CCAR1: variants seen among roughly 807,000 people sequenced by gnomAD.
The protein encoded by CCAR1 is cell division cycle and apoptosis regulator protein 1.
Under a neutral mutation model 163.8 loss-of-function variants are expected in CCAR1, and 78 were observed. The observed-to-expected ratio is 0.48, with a 90% CI of 0.40 to 0.57. The LOEUF is 0.57. CCAR1 is among the 20% of genes least tolerant of loss of function. CCAR1 has a pLI of 0.00. For missense variants in CCAR1, 1,019 were observed against 1,365.2 expected, an observed-to-expected ratio of 0.75 and a Z score of 4.00; for synonymous variants, 443 against 460.7, an observed-to-expected ratio of 0.96 and a Z score of 0.49.
At chr10:68,774,209 A>G (rs1193169373) in intron 19 of CCAR1, among the ~76,000 whole-genome samples, 1 of 150,624 alleles carries the variant, frequency 6.6e-6, no homozygotes, top group African/African-American at 2.4e-5. Context: ...TAAATGTTTC[A>G]TAGGCACGGG....
chr10:68,773,525 G>A (rs1485857639), intron 19 of CCAR1, among the ~76,000 whole-genome samples: 2 of 152,174 alleles, frequency 1.3e-5, no homozygotes, highest in South Asian at 2.1e-4. Context: ...TAGCCAGGCG[G>A]TAGTGGCGCG....
chr10:68,749,814 A>G (rs2056307612), intron 10 of CCAR1, 129 bp downstream of exon 10: 2 of 750,502 alleles, frequency 2.7e-6, no homozygotes, highest in African/African-American at 3.5e-5. Flanking sequence ...TAAGGGCAGA[A>G]ATGCAATTTG....
At chr10:68,757,484 G>A (rs1186314037) in intron 15 of CCAR1, 107 bp downstream of exon 15, 5 of 589,302 alleles carry the variant, frequency 8.5e-6, no homozygotes, top group Admixed American at 5.4e-5. Context: ...GCGCGATCTC[G>A]GCTCACTTCA....
At chr10:68,766,384 G>A (rs909482226) in intron 17 of CCAR1, among the ~76,000 whole-genome samples, 2 of 150,552 alleles carry the variant, frequency 1.3e-5, no homozygotes, top group African/African-American at 2.4e-5. Context: ...TGCATTTTTA[G>A]TAGAGACGGG....
At chr10:68,726,035 C>G (rs2055939444) in intron 2 of CCAR1, among the ~76,000 whole-genome samples, 2 of 150,868 alleles carry the variant, frequency 1.3e-5, no homozygotes, top group South Asian at 4.2e-4. Flanking sequence ...ATCGCTTAAA[C>G]CTTGGGAGGT....
intron 19 of CCAR1, among the ~76,000 whole-genome samples, chr10:68,779,539 G>A (rs1213697576): frequency 2.6e-5 from 4 of 152,112 alleles, no homozygotes; most frequent in East Asian, 1.9e-4. Context: ...GATTACAGGC[G>A]TGAGCCACCA....
chr10:68,779,274 T>G (rs75288079), intron 19 of CCAR1, among the ~76,000 whole-genome samples: 1 of 151,988 alleles, frequency 6.6e-6, no homozygotes, highest in African/African-American at 2.4e-5. Flanking sequence ...TTTTTTTTTT[T>G]TGAGACAGAG....
At position 68,756,156 on chromosome 10, in the gene CCAR1, A is replaced by T. The variant is rs1589169866; in HGVS notation, c.1626-117A>T. On this transcript the variant is annotated intron_variant, in intron 13 of 24. Coordinates refer to ENST00000265872, the MANE Select transcript of CCAR1 (RefSeq NM_018237.4). This position sits in a 1 kb window ranked among gnomAD's most constrained non-coding sequence, Gnocchi z 5.1. The stretch of plus-strand genomic sequence containing the variant: ...TGGCTTCTATAATTTTTTTTTCTTT[A>T]GACCAACCTCAAGTTCTTGCAGCAA... 2 of 706,838 alleles carry T rather than the reference A, an allele frequency of 2.8e-6. No homozygotes were observed. Among genetic ancestry groups the T allele is most frequent in the Non-Finnish European group, 4.7e-6 (2 of 422,830 alleles). The allele number at this position is 706,838 out of a possible 1,614,324, so 43.8% of individuals were successfully genotyped here.
chr10:68,770,775 G>A (rs2056591739), intron 17 of CCAR1, among the ~76,000 whole-genome samples: 1 of 151,984 alleles, frequency 6.6e-6, no homozygotes, highest in Admixed American at 6.6e-5. Context: ...ATTAATGGTT[G>A]TGTTAAAATG....
At chr10:68,722,427 T>G in intron 1 of CCAR1, 28 bp from the exon 2 acceptor site, 1 of 1,176,980 alleles carries the variant, frequency 8.5e-7, no homozygotes, top group Non-Finnish European at 1.3e-6. Flanking sequence ...TTGGTTGGAC[T>G]TTAAAATGTG....
chr10:68,733,877 T>G (rs66684505), intron 2 of CCAR1, among the ~76,000 whole-genome samples: 15,105 of 152,130 alleles, frequency 0.099, 936 homozygotes, highest in South Asian at 0.16. Flanking sequence ...TTGGCCATGC[T>G]GGTCTCAAAC....
At chr10:68,754,179 C>T (rs1170761274) in intron 11 of CCAR1, 102 bp downstream of exon 11, 8 of 732,586 alleles carry the variant, frequency 1.1e-5, no homozygotes, top group Non-Finnish European at 1.8e-5. Context: ...TAGGTAGACC[C>T]GAATACCTGT....
chr10:68,740,596 C>T (rs922159026), intron 4 of CCAR1, 33 bp from the exon 5 acceptor site: 3 of 1,595,010 alleles, frequency 1.9e-6, no homozygotes, highest in Non-Finnish European at 2.6e-6. Flanking sequence ...CTGATTGACC[C>T]TTTTCTGTGT....
intron 17 of CCAR1, among the ~76,000 whole-genome samples, chr10:68,766,331 T>C (rs1388780521): frequency 6.6e-6 from 1 of 151,582 alleles, no homozygotes; most frequent in Admixed American, 6.6e-5. Flanking sequence ...GCCTCCTGAG[T>C]AGCTGGGATT....
intron 12 of CCAR1, chr10:68,755,142 ACT>A: frequency 1.4e-6 from 1 of 724,942 alleles, no homozygotes; most frequent in Non-Finnish European, 2.5e-6. Flanking sequence ...CTTTAAAAGA[ACT>A]CTATCTGAAG....
intron 19 of CCAR1, among the ~76,000 whole-genome samples, chr10:68,775,236 ATAAGGTCG>A (rs1377458434): frequency 1.3e-5 from 2 of 152,174 alleles, no homozygotes; most frequent in African/African-American, 4.8e-5. Flanking sequence ...ACCTAAGAAA[ATAAGGTCG>A]TAATAGCATC....
At chr10:68,721,974 AG>A (rs1457889223) in intron 1 of CCAR1, among the ~76,000 whole-genome samples, 2 of 152,134 alleles carry the variant, frequency 1.3e-5, no homozygotes, top group Admixed American at 6.6e-5. Context: ...TACTTTGGAA[AG>A]TAGAGATGTT....
chr10:68,729,255 G>A (rs2055997339), intron 2 of CCAR1, among the ~76,000 whole-genome samples: 1 of 149,196 alleles, frequency 6.7e-6, no homozygotes, highest in South Asian at 2.1e-4. Context: ...ACTCTTTTTT[G>A]TTTTTTTGGG....
At chr10:68,768,454 A>G (rs974378103) in intron 17 of CCAR1, among the ~76,000 whole-genome samples, 13 of 152,000 alleles carry the variant, frequency 8.6e-5, no homozygotes, top group Admixed American at 3.3e-4. Context: ...TACTAAAAAT[A>G]CAAAAAATTA....
Sources: gnomAD v4.1 joint callset for allele counts (sites outside exome capture counted in the v4.1 genomes callset) on GRCh38, gnomAD v4.1.1 for gene constraint, Gnocchi (gnomAD v3.1) non-coding constraint, MANE v1.5 for transcripts, NCBI Gene and HGNC (gene_info 2026-07-23, HGNC 2026-07-21) for gene names.